PDCD4: variants seen among roughly 807,000 people sequenced by gnomAD.
PDCD4 encodes the protein programmed cell death 4.
Under a neutral mutation model 54.0 loss-of-function variants are expected in PDCD4, and 56 were observed. The ratio of observed to expected loss-of-function variants is 1.04; its 90% CI spans 0.84 to 1.30. The LOEUF is 1.30. Ranked by LOEUF, PDCD4 falls within the 50% of genes most tolerant of loss-of-function variation. The pLI is 0.00. For missense variants in PDCD4, 584 were observed against 559.8 expected (o/e 1.04, Z -0.44); for synonymous variants, 186 against 194.8 (o/e 0.95, Z 0.37).
intron 1 of PDCD4, among the ~76,000 whole-genome samples, chr10:110,872,520 C>G (rs1262525273): frequency 6.6e-6 from 1 of 152,194 alleles, no homozygotes; most frequent in Non-Finnish European, 1.5e-5. Context: ...ACCCGGAGCC[C>G]CGGCCTCGGC....
intron 7 of PDCD4, 38 bp from the exon 8 acceptor site, chr10:110,890,518 T>C: frequency 8.1e-7 from 1 of 1,229,942 alleles, no homozygotes; most frequent in Non-Finnish European, 1.2e-6. Flanking sequence ...TTTAGGTATG[T>C]CCAGCTATCA....
chr10:110,898,164 T>C lies in PDCD4; in HGVS notation c.*76T>C, dbSNP rs1845877479. 3.7e-6 allele frequency: 3 copies of C among 816,926 alleles called. No individual in the cohort carries two copies. Among genetic ancestry groups the C allele is most frequent in the Non-Finnish European group, 5.3e-6 (3 of 562,246 alleles). 50.6% of individuals were successfully genotyped at this position (816,926 alleles called of 1,614,324 possible). A position where few individuals can be genotyped will look rare whatever the true frequency, so the allele number is the denominator to read the frequency against. ...GTAAGAGTTGTTAGCACAAGTTTTT[T>C]TTTTTTTTTTTTTTAAGCACTTGTT... On this transcript the variant is annotated 3_prime_UTR_variant, in exon 12 of 12. Transcript: ENST00000280154.
chr10:110,887,648 A>G lies in PDCD4; in HGVS notation c.556-17A>G. Reference sequence around the variant, plus strand: ...TGATACACTTTTAAAATGTTTTTAAATTATTTTTTTGAACAGGAAATGTTA... The same window carrying G: ...TGATACACTTTTAAAATGTTTTTAAGTTATTTTTTTGAACAGGAAATGTTA... On this transcript the variant is annotated splice_polypyrimidine_tract_variant and intron_variant, in intron 5 of 11. Coordinates refer to ENST00000280154, the MANE Select transcript of PDCD4 (RefSeq NM_014456.5). 1.3e-6 allele frequency: 2 copies of G among 1,571,622 alleles called. No individual in the cohort carries two copies. Among genetic ancestry groups the G allele is most frequent in the Admixed American group, 1.7e-5 (1 of 58,076 alleles).
In PDCD4 at chr10:110,881,536, G is replaced by C. The variant is rs759474059; in HGVS notation, c.346+1G>C. ...AAAGGAAGGGGACTACCAAAGAAAG[G>C]TTGGTATATATCATGTCCAACAAAT... On this transcript the variant is annotated splice_donor_variant, in intron 3 of 11. Coordinates refer to ENST00000280154, the MANE Select transcript of PDCD4 (RefSeq NM_014456.5). LOFTEE classifies it high-confidence loss of function. 1.9e-6 allele frequency: 3 copies of C among 1,608,052 alleles called. No homozygotes were observed. The highest frequency in any genetic ancestry group is 1.3e-5 in the African/African-American group (1 of 74,810).
Position 110,875,964 on chromosome 10 carries a change from A to G in PDCD4, c.-62-2A>G, listed in dbSNP as rs113637734. 7.7e-7 allele frequency: 1 copy of G among 1,295,784 alleles called. No individual in the cohort carries two copies. The highest frequency in any genetic ancestry group is 1.3e-5 in the South Asian group (1 of 75,794). The allele number at this position is 1,295,784 out of a possible 1,614,324, so 80.3% of individuals were successfully genotyped here. A position where few individuals can be genotyped will look rare whatever the true frequency, so the allele number is the denominator to read the frequency against. On this transcript the variant is annotated splice_acceptor_variant, in intron 1 of 11. Transcript: ENST00000280154. LOFTEE classifies it low-confidence loss of function (5UTR_SPLICE). ...CTTTCTTTTTTTCTTTTAAAAAAAC[A>G]GATTCTGAAGGAAGATTTCCATTAG...
intron 1 of PDCD4, among the ~76,000 whole-genome samples, chr10:110,875,337 AAAT>A (rs1429438782): frequency 1.3e-5 from 2 of 152,114 alleles, no homozygotes; most frequent in Non-Finnish European, 2.9e-5. Context: ...TTTCTCATAT[AAAT>A]AATATTATCA....
rs981737163 is a variant in PDCD4 at position 110,898,913 on chromosome 10, G to T, written c.*825G>T. Reference sequence around the variant, plus strand: ...AGTGAAAAATACAATAGTAAATTAAGATTACACTGGGGAAAAAAATGCAGG... The same window carrying T: ...AGTGAAAAATACAATAGTAAATTAATATTACACTGGGGAAAAAAATGCAGG... On this transcript the variant is annotated 3_prime_UTR_variant, in exon 12 of 12. Coordinates refer to ENST00000280154, the MANE Select transcript of PDCD4 (RefSeq NM_014456.5). The T allele has an allele frequency of 6.6e-6, 1 of 152,124 alleles. No homozygotes were observed. The highest frequency in any genetic ancestry group is 1.5e-5 in the Non-Finnish European group (1 of 67,986). 9.4% of individuals were successfully genotyped at this position (152,124 alleles called of 1,614,324 possible).
At chr10:110,889,106 C>A (rs374171720) in intron 6 of PDCD4, among the ~76,000 whole-genome samples, 13 of 151,824 alleles carry the variant, frequency 8.6e-5, no homozygotes, top group South Asian at 2.1e-4. Flanking sequence ...CCTGTAGTCC[C>A]AGCCACTCGG....
chr10:110,896,198 C>T (rs1452073762), intron 11 of PDCD4, 111 bp downstream of exon 11: 4 of 768,830 alleles, frequency 5.2e-6, no homozygotes, highest in Non-Finnish European at 8.3e-6. Flanking sequence ...GAACGTGACT[C>T]TTGTGAGTTC....
chr10:110,892,099 T>C (rs1845766641), intron 8 of PDCD4, among the ~76,000 whole-genome samples: 1 of 152,202 alleles, frequency 6.6e-6, no homozygotes, highest in Admixed American at 6.5e-5. Flanking sequence ...AATGCAATTA[T>C]TGCATTTGTG....
intron 4 of PDCD4, 48 bp from the exon 5 acceptor site, chr10:110,885,205 T>C (rs761485299): frequency 2.4e-6 from 2 of 832,446 alleles, no homozygotes; most frequent in South Asian, 2.9e-5. Flanking sequence ...TTCACTTGTT[T>C]ATTTGCATTT....
chr10:110,881,633 A>G (rs1845594660), intron 3 of PDCD4, 98 bp downstream of exon 3: 1 of 977,964 alleles, frequency 1.0e-6, no homozygotes. Context: ...AATGAGAGAG[A>G]TTCAAAAAGT....
chr10:110,890,744 G>A, intron 8 of PDCD4, 74 bp downstream of exon 8: 1 of 882,174 alleles, frequency 1.1e-6, no homozygotes, highest in Non-Finnish European at 1.7e-6. Context: ...GCTACTAGCT[G>A]GTATTTTTAT....
intron 10 of PDCD4, among the ~76,000 whole-genome samples, chr10:110,895,252 T>A (rs1190435233): frequency 6.6e-6 from 1 of 152,020 alleles, no homozygotes; most frequent in Admixed American, 6.6e-5. Flanking sequence ...CTTTTGAAAT[T>A]CCCAATGTTT....
chr10:110,876,310 A>AGC (rs1564679433), intron 2 of PDCD4, among the ~76,000 whole-genome samples: 1 of 152,164 alleles, frequency 6.6e-6, no homozygotes, highest in Non-Finnish European at 1.5e-5. Flanking sequence ...CCTAGGCTGA[A>AGC]ATATCTTGAA....
chr10:110,872,493 C>T (rs376788286), intron 1 of PDCD4, among the ~76,000 whole-genome samples: 1 of 152,186 alleles, frequency 6.6e-6, no homozygotes, highest in South Asian at 2.1e-4. Flanking sequence ...GAAGATGCGG[C>T]CCCCTGTCCT....
intron 5 of PDCD4, 81 bp downstream of exon 5, chr10:110,885,447 C>G (rs1489042177): frequency 3.3e-6 from 2 of 603,068 alleles, no homozygotes; most frequent in East Asian, 2.9e-5. Flanking sequence ...CTACAATGAT[C>G]TTGGGTCACT....
chr10:110,877,342 A>C (rs879608227), intron 2 of PDCD4, among the ~76,000 whole-genome samples: 24 of 152,182 alleles, frequency 1.6e-4, no homozygotes, highest in Non-Finnish European at 2.5e-4. Flanking sequence ...CAGTAGCTGG[A>C]TTACAGGCGT....
chr10:110,875,978 G>C lies in PDCD4; in HGVS notation c.-50G>C. On this transcript the variant is annotated 5_prime_UTR_variant, in exon 2 of 12. Transcript: ENST00000280154. Reference sequence around the variant, plus strand: ...TTTAAAAAAACAGATTCTGAAGGAAGATTTCCATTAGGTAATTTGTTTAAT... The same window carrying C: ...TTTAAAAAAACAGATTCTGAAGGAACATTTCCATTAGGTAATTTGTTTAAT... 1 of 1,400,206 alleles carries C rather than the reference G, an allele frequency of 7.1e-7. No individual in the cohort carries two copies. Among genetic ancestry groups the C allele is most frequent in the Non-Finnish European group, 9.8e-7 (1 of 1,017,560 alleles). 86.7% of individuals were successfully genotyped at this position (1,400,206 alleles called of 1,614,324 possible).
Sources: allele counts gnomAD v4.1 joint callset (sites outside exome capture counted in the v4.1 genomes callset), GRCh38; gene constraint gnomAD v4.1.1; transcripts MANE v1.5; gene names NCBI Gene and HGNC (gene_info 2026-07-23, HGNC 2026-07-21).